Variants in TAF2 observed in about 807,000 individuals in gnomAD.
TAF2 encodes TATA-box binding protein associated factor 2, also known as transcription initiation factor TFIID subunit 2.
Under a neutral mutation model 138.5 loss-of-function variants are expected in TAF2, and 61 were observed. The ratio of observed to expected loss-of-function variants is 0.44; its 90% confidence interval spans 0.36 to 0.54. The LOEUF is 0.54. TAF2 is among the 20% of genes least tolerant of loss of function. The pLI is 0.00. For missense variants in TAF2, 1,090 were observed against 1,427.9 expected, an observed-to-expected ratio of 0.76 and a Z score of 3.81; for synonymous variants, 475 against 469.9, an observed-to-expected ratio of 1.01 and a Z score of -0.14.
At chr8:119,776,348 T>TA (rs751652478) in intron 18 of TAF2, among the ~76,000 whole-genome samples, 51 of 19,224 alleles carry the variant, frequency 2.7e-3, no homozygotes, top group African/African-American at 0.015. Flanking sequence ...ATGCCTGTGC[T>TA]TTTTTTTTTT....
At chr8:119,789,463 CCATTGT>C in intron 12 of TAF2, 123 bp downstream of exon 12, 1 of 1,112,918 alleles carries the variant, frequency 9.0e-7, no homozygotes, top group Admixed American at 1.8e-5. Flanking sequence ...ATTATTTCTA[CCATTGT>C]TTAGAAATAT....
At chr8:119,738,085 T>A (rs1322170144) in intron 25 of TAF2, among the ~76,000 whole-genome samples, 2 of 151,116 alleles carry the variant, frequency 1.3e-5, no homozygotes, top group Non-Finnish European at 2.9e-5. Flanking sequence ...ATAAGTATAC[T>A]ATATATATAC....
At chr8:119,765,035 G>A (rs1821325398) in intron 18 of TAF2, among the ~76,000 whole-genome samples, 1 of 152,118 alleles carries the variant, frequency 6.6e-6, no homozygotes, top group Non-Finnish European at 1.5e-5. Context: ...CTGGTTGAGA[G>A]GAAATTTAAA....
At chr8:119,807,164 T>C (rs1402166975) in intron 3 of TAF2, among the ~76,000 whole-genome samples, 1 of 152,178 alleles carries the variant, frequency 6.6e-6, no homozygotes. Context: ...TAATAGCACC[T>C]ACCTCCACCC....
chr8:119,782,207 G>C (rs1822713129), intron 16 of TAF2, among the ~76,000 whole-genome samples: 1 of 152,080 alleles, frequency 6.6e-6, no homozygotes, highest in African/African-American at 2.4e-5. Context: ...TGAACCAGAA[G>C]CCAAATACAG....
intron 25 of TAF2, among the ~76,000 whole-genome samples, chr8:119,732,570 A>G (rs1587629056): frequency 6.6e-6 from 1 of 152,082 alleles, no homozygotes; most frequent in Admixed American, 6.6e-5. Flanking sequence ...TTGGGAGGCC[A>G]AGGCGGGTAG....
At chr8:119,809,942 G>A (rs1183680369) in intron 3 of TAF2, among the ~76,000 whole-genome samples, 1 of 138,134 alleles carries the variant, frequency 7.2e-6, no homozygotes, top group Non-Finnish European at 1.5e-5. Flanking sequence ...TGTGTTGTTG[G>A]AAAAATGGCA....
chr8:119,794,361 A>G (rs2131180936), intron 9 of TAF2, among the ~76,000 whole-genome samples: 1 of 151,616 alleles, frequency 6.6e-6, no homozygotes, highest in Non-Finnish European at 1.5e-5. Context: ...GCGCCACTGC[A>G]CTACAGCCTG....
chr8:119,832,830 T>C lies in TAF2; in HGVS notation c.-266A>G, dbSNP rs986625467. The stretch of plus-strand genomic sequence containing the variant: ...GAAGCTACCATCCGCCGACATCTTG[T>C]CTGTAACCTCTGACCTCCGACGTCA... On this transcript the variant is annotated 5_prime_UTR_variant, in exon 1 of 26. Transcript: ENST00000378164. The C allele has an allele frequency of 1.8e-5, 8 of 439,198 alleles. No individual in the cohort carries two copies. Among genetic ancestry groups the C allele is most frequent in the East Asian group, 3.5e-5 (1 of 28,520 alleles). The allele number at this position is 439,198 out of a possible 1,614,324, so 27.2% of individuals were successfully genotyped here.
intron 5 of TAF2, among the ~76,000 whole-genome samples, chr8:119,802,629 C>T (rs1824343025): frequency 2.6e-5 from 4 of 152,018 alleles, no homozygotes; most frequent in Non-Finnish European, 5.9e-5. Context: ...AATCTGAGGA[C>T]AGGCTGGGCG....
intron 3 of TAF2, among the ~76,000 whole-genome samples, chr8:119,809,881 T>C (rs183023322): frequency 2.2e-4 from 34 of 151,844 alleles, no homozygotes; most frequent in Non-Finnish European, 3.7e-4. Context: ...TGAAAAAGTT[T>C]GAAATATTGC....
chr8:119,797,565 A>C, intron 7 of TAF2, 97 bp downstream of exon 7: 1 of 1,297,712 alleles, frequency 7.7e-7, no homozygotes, highest in East Asian at 2.5e-5. Context: ...TTGCGGAAAA[A>C]AGTTCAAAGC....
At chr8:119,775,222 A>G (rs1822138916) in intron 18 of TAF2, among the ~76,000 whole-genome samples, 1 of 148,070 alleles carries the variant, frequency 6.8e-6, no homozygotes, top group Non-Finnish European at 1.5e-5. Flanking sequence ...CAGAGGTTGC[A>G]GTGAGCTGGA....
chr8:119,743,349 G>T (rs1819733080), intron 24 of TAF2, among the ~76,000 whole-genome samples: 1 of 147,496 alleles, frequency 6.8e-6, no homozygotes, highest in African/African-American at 2.5e-5. Context: ...ACACTATAAA[G>T]AAAAGCAACA....
chr8:119,794,261 A>G (rs1363880173), intron 9 of TAF2, among the ~76,000 whole-genome samples: 2 of 151,928 alleles, frequency 1.3e-5, no homozygotes, highest in African/African-American at 4.8e-5. Flanking sequence ...GCCGGGCGTG[A>G]TGGCGGGTGC....
At chr8:119,801,657 T>C (rs1586479611) in intron 6 of TAF2, 137 bp downstream of exon 6, 1 of 783,246 alleles carries the variant, frequency 1.3e-6, no homozygotes, top group East Asian at 2.6e-5. Flanking sequence ...CTCGATCTCC[T>C]GACCCTGTGA....
chr8:119,800,219 A>G (rs1168833510), intron 6 of TAF2, among the ~76,000 whole-genome samples: 2 of 152,198 alleles, frequency 1.3e-5, no homozygotes, highest in Admixed American at 1.3e-4. Context: ...GTCCTTGCCC[A>G]TGCCTATGTC....
At chr8:119,828,956 G>A (rs72690111) in intron 2 of TAF2, among the ~76,000 whole-genome samples, 7,079 of 152,270 alleles carry the variant, frequency 0.046, 206 homozygotes, top group Middle Eastern at 0.088. Context: ...AATGGGGATG[G>A]CTGTGTTCAA....
At chr8:119,830,023 C>T (rs540084423) in intron 2 of TAF2, among the ~76,000 whole-genome samples, 20 of 151,950 alleles carry the variant, frequency 1.3e-4, no homozygotes, top group African/African-American at 3.6e-4. Flanking sequence ...CTCAGCCTCC[C>T]GAGTAGCTGG....
Sources: allele counts gnomAD v4.1 joint callset (sites outside exome capture counted in the v4.1 genomes callset), GRCh38; gene constraint gnomAD v4.1.1; transcripts MANE v1.5; gene names NCBI Gene and HGNC (gene_info 2026-07-23, HGNC 2026-07-21).